Variants in POTEJ observed in about 807,000 individuals in gnomAD.
POTEJ encodes POTE ankyrin domain family member J, also known as POTE ankyrin domain family, member J.
Under a neutral mutation model 69.0 loss-of-function variants are expected in POTEJ, and 11 were observed. The observed-to-expected ratio is 0.16, with a 90% CI of 0.10 to 0.26. The LOEUF (loss-of-function observed/expected upper bound fraction) is 0.26. Among genes scored for constraint, POTEJ ranks in the 10% least tolerant of loss-of-function variants. The pLI, the probability that POTEJ is intolerant of heterozygous loss-of-function variation, is 1.00. For missense variants in POTEJ, 327 were observed against 1,045.5 expected (o/e 0.31, Z 9.48); for synonymous variants, 117 against 381.1 (o/e 0.31, Z 8.07).
At chr2:130,629,453 G>C (rs1258374178) in intron 6 of POTEJ, among the ~76,000 whole-genome samples, 1 of 142,274 alleles carries the variant, frequency 7.0e-6, no homozygotes, top group Non-Finnish European at 1.5e-5. Context: ...AGACAGTAAA[G>C]GATTTTGTTT....
Position 130,640,585 on chromosome 2 carries a change from C to A in POTEJ, c.1369+1896C>A, listed in dbSNP as rs534928141. Reference sequence around the variant, plus strand: ...CGTCTCCTTTCGTGGTTGGCTAATCCGCAGCAGCTCCAAACATCTTGTTCT... The same window carrying A: ...CGTCTCCTTTCGTGGTTGGCTAATCAGCAGCAGCTCCAAACATCTTGTTCT... On this transcript the variant is annotated intron_variant, in intron 10 of 14. Transcript: ENST00000409602. 1.5e-3 allele frequency among the ~76,000 whole-genome samples: 234 copies of A among 151,602 alleles called. 1 individual carries two copies. Among genetic ancestry groups the A allele is most frequent in the African/African-American group, 5.4e-3 (221 of 40,990 alleles).
At chr2:130,636,036 C>G (rs1376711231) in intron 9 of POTEJ, among the ~76,000 whole-genome samples, 2 of 144,148 alleles carry the variant, frequency 1.4e-5, no homozygotes, top group African/African-American at 3.0e-5. Flanking sequence ...GATTATCTCC[C>G]TTGCTCTGCT....
At chr2:130,614,167 GAA>G (rs71273213) in intron 1 of POTEJ, among the ~76,000 whole-genome samples, 1,536 of 51,268 alleles carry the variant, frequency 0.03, 27 homozygotes, top group African/African-American at 0.069. Flanking sequence ...AAAAAAAAAA[GAA>G]AAAAAAAAAA....
chr2:130,632,235 T>G (rs1263324746), intron 8 of POTEJ, among the ~76,000 whole-genome samples: 3 of 150,706 alleles, frequency 2.0e-5, no homozygotes, highest in Non-Finnish European at 4.4e-5. Flanking sequence ...AGGGCCCTTT[T>G]TGAATTTTGG....
intron 6 of POTEJ, among the ~76,000 whole-genome samples, chr2:130,624,773 A>C (rs1236592472): frequency 6.6e-6 from 1 of 152,186 alleles, no homozygotes; most frequent in Admixed American, 6.5e-5. Context: ...AAGTCATGTT[A>C]CATATGCTTG....
At chr2:130,619,300 T>A (rs1365002884) in intron 3 of POTEJ, among the ~76,000 whole-genome samples, 6 of 150,478 alleles carry the variant, frequency 4.0e-5, no homozygotes, top group Admixed American at 1.3e-4. Flanking sequence ...CAATTAGAAT[T>A]GTAGCAAATT....
At chr2:130,633,081 C>T (rs1234263977) in intron 9 of POTEJ, among the ~76,000 whole-genome samples, 1 of 145,042 alleles carries the variant, frequency 6.9e-6, no homozygotes, top group African/African-American at 2.7e-5. Flanking sequence ...CTGTTATTCT[C>T]CTCTTTGTGT....
chr2:130,646,504 A>G (rs1480243955), intron 13 of POTEJ, among the ~76,000 whole-genome samples, 194 bp downstream of exon 13: 1 of 129,258 alleles, frequency 7.7e-6, no homozygotes, highest in Non-Finnish European at 1.6e-5. Context: ...TTGAAAAATA[A>G]CCAGTATTGA....
intron 1 of POTEJ, among the ~76,000 whole-genome samples, chr2:130,613,438 G>A (rs1192062273): frequency 7.2e-6 from 1 of 139,716 alleles, no homozygotes; most frequent in Non-Finnish European, 1.5e-5. Flanking sequence ...GTCTCACTCT[G>A]TAGCCCAAGC....
At chr2:130,616,200 G>T (rs1171959620) in intron 1 of POTEJ, among the ~76,000 whole-genome samples, 1 of 135,752 alleles carries the variant, frequency 7.4e-6, no homozygotes, top group Non-Finnish European at 1.5e-5. Context: ...ATCATGAATT[G>T]TAAGTGGTAT....
intron 10 of POTEJ, among the ~76,000 whole-genome samples, chr2:130,640,851 G>C (rs1342796191): frequency 6.6e-6 from 1 of 152,196 alleles, no homozygotes; most frequent in Non-Finnish European, 1.5e-5. Context: ...TGTTTTTTCT[G>C]CCAGAAAGAA....
intron 13 of POTEJ, among the ~76,000 whole-genome samples, chr2:130,651,977 C>CA (rs1257705845): frequency 7.6e-6 from 1 of 131,500 alleles, no homozygotes. Flanking sequence ...TAAGGATACC[C>CA]CCCCCCAATA....
intron 6 of POTEJ, among the ~76,000 whole-genome samples, chr2:130,627,206 A>G (rs1685743164): frequency 6.6e-6 from 1 of 151,472 alleles, no homozygotes; most frequent in Admixed American, 6.6e-5. Context: ...AAATTCATGT[A>G]GGATATTTTG....
chr2:130,634,637 A>C (rs2105228394), intron 9 of POTEJ, among the ~76,000 whole-genome samples: 1 of 124,530 alleles, frequency 8.0e-6, no homozygotes, highest in Admixed American at 8.7e-5. Context: ...TTAATGCCAC[A>C]TGTGTATAAT....
chr2:130,629,573 G>A (rs1454237410), intron 6 of POTEJ, among the ~76,000 whole-genome samples: 1 of 150,282 alleles, frequency 6.7e-6, no homozygotes, highest in Admixed American at 6.6e-5. Context: ...CTTAGAGTCA[G>A]ACTAGCTAAG....
chr2:130,642,072 G>A (rs1383604226), intron 10 of POTEJ, among the ~76,000 whole-genome samples: 8 of 150,518 alleles, frequency 5.3e-5, no homozygotes, highest in Non-Finnish European at 1.0e-4. Context: ...TGCCCTGCTT[G>A]GCTTCATGTC....
rs576538338 is a variant in POTEJ at position 130,636,491 on chromosome 2, A to C, written c.1299-2128A>C. 1.8e-3 allele frequency among the ~76,000 whole-genome samples: 268 copies of C among 145,404 alleles called. 17 individuals carry two copies. Among genetic ancestry groups the C allele is most frequent in the African/African-American group, 6.4e-3 (253 of 39,580 alleles). On this transcript the variant is annotated intron_variant, in intron 9 of 14. Transcript: ENST00000409602. ...GGTTTTTTGTATTAGAAAAAAAAAA[A>C]CCCTTTCTCAGCAGAGACTCTTCTG...
chr2:130,636,806 A>G (rs367708058), intron 9 of POTEJ, among the ~76,000 whole-genome samples: 1 of 145,460 alleles, frequency 6.9e-6, no homozygotes, highest in Non-Finnish European at 1.5e-5. Context: ...AAAATGTTTG[A>G]CGTAGGTCGG....
rs1306678106 is a variant in POTEJ at position 130,614,083 on chromosome 2, G to A, written c.410+2141G>A. 3.1e-4 allele frequency among the ~76,000 whole-genome samples: 40 copies of A among 129,960 alleles called. 1 individual carries two copies. Among genetic ancestry groups the A allele is most frequent in the Admixed American group, 3.0e-3 (40 of 13,362 alleles). The allele number at this position is 129,960 out of a possible 152,430, so 85.3% of individuals were successfully genotyped here. ...GAAGCAAGAGAATTGCTTGAACCAGGGAGGTGGAGGTTGCAGTGAGCCGAG... is the reference window on the plus strand; with the variant it reads ...GAAGCAAGAGAATTGCTTGAACCAGAGAGGTGGAGGTTGCAGTGAGCCGAG... On this transcript the variant is annotated intron_variant, in intron 1 of 14. Coordinates refer to ENST00000409602, the MANE Select transcript of POTEJ (RefSeq NM_001277083.2).
Sources: gnomAD v4.1 joint callset for allele counts (sites outside exome capture counted in the v4.1 genomes callset) on GRCh38, gnomAD v4.1.1 for gene constraint, MANE v1.5 for transcripts, NCBI Gene and HGNC (gene_info 2026-07-23, HGNC 2026-07-21) for gene names.